Variants in PIEZO1 observed in about 807,000 individuals in gnomAD.
PIEZO1 encodes the protein piezo-type mechanosensitive ion channel component 1.
A neutral mutation model predicts 297.2 loss-of-function variants in PIEZO1; 296 were observed. The ratio of observed to expected loss-of-function variants is 1.00; its 90% CI spans 0.91 to 1.10. PIEZO1 has a LOEUF of 1.10. PIEZO1 is among the 50% of genes least tolerant of loss of function. The pLI is 0.00. For synonymous variants in PIEZO1, 2,427 were observed against 1,507.5 expected (o/e 1.61, Z -14.13); for missense variants, 5,018 against 3,455.5 (o/e 1.45, Z -11.34).
chr16:88,783,902 A>C (rs1481099404), intron 1 of PIEZO1, among the ~76,000 whole-genome samples: 1 of 152,208 alleles, frequency 6.6e-6, no homozygotes, highest in Non-Finnish European at 1.5e-5. Flanking sequence ...AGGGCTCCGA[A>C]AGGGCTTTTA....
At chr16:88,725,189 C>T in intron 29 of PIEZO1, 109 bp from the exon 30 acceptor site, 1 of 802,420 alleles carries the variant, frequency 1.2e-6, no homozygotes, top group Non-Finnish European at 1.9e-6. Flanking sequence ...GACACGGACA[C>T]CCACAGTGAC....
At position 88,784,970 on chromosome 16, in the gene PIEZO1, G is replaced by C. The variant is rs763908426; in HGVS notation, c.-6C>G. On this transcript the variant is annotated 5_prime_UTR_variant, in exon 1 of 51. Coordinates refer to ENST00000301015, the MANE Select transcript of PIEZO1 (RefSeq NM_001142864.4). ...CCGAGCACGTGCGGCTCCATGGCTG[G>C]AGGGCCCAGGGCCCGGCCCAGACCG... The C allele has an allele frequency of 8.1e-6, 11 of 1,360,618 alleles. No homozygotes were observed. The East Asian group carries it at 1.7e-4, about 21-fold the overall frequency. The allele number at this position is 1,360,618 out of a possible 1,614,324, so 84.3% of individuals were successfully genotyped here.
Position 88,726,473 on chromosome 16 carries a change from G to A in PIEZO1, c.3797-18C>T. The stretch of plus-strand genomic sequence containing the variant: ...CTCCTTGGCTGCAAGGCAGGCACCG[G>A]CAAGGGTCAGGCCCAGGGCCCAGGA... On this transcript the variant is annotated intron_variant, in intron 26 of 50. Coordinates refer to ENST00000301015, the MANE Select transcript of PIEZO1 (RefSeq NM_001142864.4). 1.3e-6 allele frequency: 2 copies of A among 1,548,748 alleles called. No individual in the cohort carries two copies. Among genetic ancestry groups the A allele is most frequent in the Non-Finnish European group, 8.7e-7 (1 of 1,145,824 alleles).
intron 1 of PIEZO1, among the ~76,000 whole-genome samples, chr16:88,754,853 C>G (rs759383552): frequency 2.0e-5 from 3 of 152,238 alleles, no homozygotes; most frequent in Non-Finnish European, 4.4e-5. Context: ...GAGGCTGCAT[C>G]ACAGAGCAGG....
chr16:88,770,915 G>A (rs888650307), intron 1 of PIEZO1, among the ~76,000 whole-genome samples: 6 of 152,226 alleles, frequency 3.9e-5, no homozygotes, highest in African/African-American at 9.6e-5. Flanking sequence ...ATAGGAATCC[G>A]GTGGGCGGCA....
At chr16:88,770,316 C>T (rs1407687772) in intron 1 of PIEZO1, among the ~76,000 whole-genome samples, 3 of 152,208 alleles carry the variant, frequency 2.0e-5, no homozygotes, top group African/African-American at 7.2e-5. Context: ...GACCCGGTCA[C>T]ACCTGCCCCC....
chr16:88,733,481 G>C, intron 18 of PIEZO1, 27 bp from the exon 19 acceptor site: 3 of 1,539,408 alleles, frequency 1.9e-6, no homozygotes, highest in East Asian at 2.5e-5. Flanking sequence ...CGTGGGGCTG[G>C]GCTTGGGGAG....
chr16:88,721,909 C>T lies in PIEZO1; in HGVS notation c.5113G>A (p.Ala1705Thr), dbSNP rs957933464. ...AGCACGGGCAGCACCAGCGAGCCGG[C>T]GGAGGCCGTGACCATGTGGTTGAGG... ...IILNHMVTAS[A>T]GSLVLPVLVF... Residue 1705 changes from alanine to threonine, a missense_variant, in exon 37 of 51, where the codon GCC (alanine) becomes ACC (threonine). Ala to Thr is a moderately conservative substitution (Grantham distance 58). Coordinates refer to ENST00000301015, the MANE Select transcript of PIEZO1 (RefSeq NM_001142864.4). The T allele has an allele frequency of 2.6e-5, 40 of 1,550,046 alleles. No homozygotes were observed. Among genetic ancestry groups the T allele is most frequent in the African/African-American group, 1.8e-4 (13 of 73,036 alleles).
chr16:88,726,835 G>A lies in PIEZO1; in HGVS notation c.3579C>T (p.Cys1193=), dbSNP rs1904478173. Residue 1193 remains cysteine, a synonymous_variant, in exon 25 of 51, where the codon TGC becomes TGT. Transcript: ENST00000301015. ...CCGTGCCGAAGAGCAGCAGGTAGAAGCAGGCCAGCAGGTAGCCCAGCCCGA... is the reference window on the plus strand; with the variant it reads ...CCGTGCCGAAGAGCAGCAGGTAGAAACAGGCCAGCAGGTAGCCCAGCCCGA... ...SIFGLGYLLA[C]FYLLLFGTAL... 1 of 1,550,396 alleles carries A rather than the reference G, an allele frequency of 6.4e-7. No homozygotes were observed. The highest frequency in any genetic ancestry group is 8.7e-7 in the Non-Finnish European group (1 of 1,146,942).
Position 88,732,639 on chromosome 16 carries a change from G to C in PIEZO1, c.2758C>G (p.Arg920Gly). 6.5e-7 allele frequency: 1 copy of C among 1,549,614 alleles called. No homozygotes were observed. The highest frequency in any genetic ancestry group is 8.7e-7 in the Non-Finnish European group (1 of 1,146,464). ...TAGCCCAGGTTGGGGAACCCTTTCC[G>C]CACCCCAAACCAGTTGGCAGGGTCC... ...PVDPANWFGV[R>G]KGFPNLGYIQ... Residue 920 changes from arginine to glycine, a missense_variant, in exon 20 of 51, where the codon CGG becomes GGG. Arg to Gly is a moderately radical substitution (Grantham distance 125). Coordinates refer to ENST00000301015, the MANE Select transcript of PIEZO1 (RefSeq NM_001142864.4).
chr16:88,757,239 G>T (rs529118188), intron 1 of PIEZO1, among the ~76,000 whole-genome samples: 2 of 150,982 alleles, frequency 1.3e-5, no homozygotes, highest in Non-Finnish European at 2.9e-5. Flanking sequence ...ATGCATTGAG[G>T]TTAGGAGGAG....
In PIEZO1 at chr16:88,727,596, G is replaced by A. The variant is rs1269201637; in HGVS notation, c.3262C>T (p.Pro1088Ser). 4.6e-6 allele frequency: 7 copies of A among 1,536,116 alleles called. No individual in the cohort carries two copies. Among genetic ancestry groups the A allele is most frequent in the Non-Finnish European group, 1.8e-6 (2 of 1,137,874 alleles). ...GAGTTGGGGGCCCGGAAGAAATCAG[G>A]CAGGTACAGCCACTTGATGAGTGCG... Reference protein sequence around the residue: ...NSALIKWLYLPDFFRAPNSTN... With the variant: ...NSALIKWLYLSDFFRAPNSTN... Residue 1088 changes from proline (P) to serine (S), a missense_variant, in exon 23 of 51, where the codon CCT becomes TCT. Coordinates refer to ENST00000301015, the MANE Select transcript of PIEZO1 (RefSeq NM_001142864.4).
rs372441793 is a variant in PIEZO1, at chr16:88,733,425, C to T, written c.2517G>A (p.Val839=). The change falls in exon 19 of 51, where the codon GTG becomes GTA. Residue 839 remains valine, a synonymous_variant. Coordinates refer to ENST00000301015, the MANE Select transcript of PIEZO1 (RefSeq NM_001142864.4). ...GGTAGGGCAGGGCGAAGGCCCACAG[C>T]ACCACCAGCAGCAGGTTCATCACCG... is the stretch of plus-strand genomic sequence containing the variant. The part of the protein sequence containing the change: ...EVSVMNLLLV[V]LWAFALPYPR... 2 of 1,549,392 alleles carry T rather than the reference C, an allele frequency of 1.3e-6. No homozygotes were observed. Among genetic ancestry groups the T allele is most frequent in the Non-Finnish European group, 8.7e-7 (1 of 1,146,328 alleles).
chr16:88,774,842 C>T (rs749059166), intron 1 of PIEZO1, among the ~76,000 whole-genome samples: 1 of 152,212 alleles, frequency 6.6e-6, no homozygotes, highest in Non-Finnish European at 1.5e-5. Context: ...GATACCTCAG[C>T]ACAGCCTCCT....
rs1905371256 is a variant in PIEZO1, at chr16:88,738,078, A to G, written c.876T>C (p.Gly292=). ...ARVLGLKDFV[G]PTNCSSPHAL... is the part of the protein sequence containing the mutation. ...CGTGGGGGCTGGAGCAGTTGGTGGG[A>G]CCCACGAAGTCCTTGAGACCCAGCA... Residue 292 remains glycine, a synonymous_variant, in exon 8 of 51, where the codon GGT becomes GGC. Coordinates refer to ENST00000301015, the MANE Select transcript of PIEZO1 (RefSeq NM_001142864.4). The G allele has an allele frequency of 2.0e-6, 3 of 1,535,756 alleles. No homozygotes were observed. In the South Asian group the frequency reaches 3.6e-5, roughly 18 times the overall value.
At position 88,726,888 on chromosome 16, in the gene PIEZO1, C is replaced by T; in HGVS notation, c.3526G>A (p.Val1176Ile). The T allele has an allele frequency of 6.4e-7, 1 of 1,550,434 alleles. No homozygotes were observed. The highest frequency in any genetic ancestry group is 8.7e-7 in the Non-Finnish European group (1 of 1,146,932). ...LFWLVLVVVFVTGATRISIFG... is the reference protein window; with the variant it reads ...LFWLVLVVVFITGATRISIFG... ...ATGCTGATGCGGGTGGCCCCCGTGACAAACACCACCACCAGCACCAGCCAG... is the reference window on the plus strand; with the variant it reads ...ATGCTGATGCGGGTGGCCCCCGTGATAAACACCACCACCAGCACCAGCCAG... Residue 1176 changes from valine (V) to isoleucine (I), a missense_variant, in exon 25 of 51, where the codon GTC (valine) becomes ATC (isoleucine). Physicochemically the swap from Val to Ile is conservative, Grantham distance 29. Transcript: ENST00000301015.
chr16:88,722,253 T>C lies in PIEZO1; in HGVS notation c.4920A>G (p.Gly1640=), dbSNP rs1904284865. The change falls in exon 36 of 51, where the codon GGA becomes GGG. Residue 1640 remains glycine (G), a synonymous_variant. Transcript: ENST00000301015. ...EREAGASLYQ[G]LMRTASELLL... The stretch of plus-strand genomic sequence containing the variant: ...GCAGCTCGCTGGCCGTCCGCATCAG[T>C]CCCTGGTACAGAGAGGCACCAGCCT... 7.1e-6 allele frequency: 11 copies of C among 1,548,062 alleles called. No homozygotes were observed. Among genetic ancestry groups the C allele is most frequent in the South Asian group, 1.2e-5 (1 of 84,044 alleles).
At chr16:88,752,895 T>C (rs1906462045) in intron 1 of PIEZO1, among the ~76,000 whole-genome samples, 1 of 150,966 alleles carries the variant, frequency 6.6e-6, no homozygotes, top group African/African-American at 2.4e-5. Context: ...CATCCATTCA[T>C]CCATTCATTC....
Position 88,734,202 on chromosome 16 carries a change from G to T in PIEZO1, c.2181-148C>A, listed in dbSNP as rs79319346. 340,752 of 1,197,094 alleles carry T rather than the reference G, an allele frequency of 0.28. 51,572 individuals carry two copies. Among genetic ancestry groups the T allele is most frequent in the Non-Finnish European group, 0.31 (273,697 of 874,040 alleles). The allele number at this position is 1,197,094 out of a possible 1,614,324, so 74.2% of individuals were successfully genotyped here. On this transcript the variant is annotated intron_variant, in intron 16 of 50. Coordinates refer to ENST00000301015, the MANE Select transcript of PIEZO1 (RefSeq NM_001142864.4). ...CGCAACTCATGCCCACTGTCCCTGT[G>T]ACCTCCACGCTACTGCCATCCCCTT...
Sources: gnomAD v4.1 joint callset for allele counts (sites outside exome capture counted in the v4.1 genomes callset) on GRCh38, gnomAD v4.1.1 for gene constraint, MANE v1.5 for transcripts, NCBI Gene and HGNC (gene_info 2026-07-23, HGNC 2026-07-21) for gene names.